ZBTB16: variants seen among roughly 807,000 people sequenced by gnomAD.
The protein encoded by ZBTB16 is zinc finger and BTB domain containing 16.
ZBTB16 carries 8 observed loss-of-function variants against 56.8 expected under a neutral mutation model. That is an observed-to-expected ratio of 0.14 (90% CI 0.08 to 0.25). The LOEUF (loss-of-function observed/expected upper bound fraction) is 0.25, where lower values mean the gene tolerates loss of function less well. ZBTB16 is among the 10% of genes least tolerant of loss of function. The pLI, the probability that ZBTB16 is intolerant of heterozygous loss-of-function variation, is 1.00. For synonymous variants in ZBTB16, 363 were observed against 368.5 expected, an observed-to-expected ratio of 0.98 and a Z score of 0.17; for missense variants, 625 against 903.0, an observed-to-expected ratio of 0.69 and a Z score of 3.95.
chr11:114,101,582 G>C (rs1190628909), intron 2 of ZBTB16, among the ~76,000 whole-genome samples: 1 of 152,204 alleles, frequency 6.6e-6, no homozygotes, highest in Non-Finnish European at 1.5e-5. Flanking sequence ...GGCCTAGATG[G>C]ACAGCTTGGC....
intron 2 of ZBTB16, among the ~76,000 whole-genome samples, chr11:114,139,149 A>G (rs547664657): frequency 9.8e-5 from 15 of 152,312 alleles, no homozygotes; most frequent in South Asian, 4.1e-4. Context: ...TGAGATGCAA[A>G]TGGACATCTA....
chr11:114,071,136 A>G (rs543820447), intron 2 of ZBTB16, among the ~76,000 whole-genome samples: 4 of 151,936 alleles, frequency 2.6e-5, no homozygotes, highest in Non-Finnish European at 5.9e-5. Flanking sequence ...ACCCACTTAT[A>G]TCTTCATGAA....
rs1938797776 is a variant in ZBTB16 at position 114,060,678 on chromosome 11, C to G, written c.-91+796C>G. 6.6e-6 allele frequency: 1 copy of G among 152,404 alleles called. No homozygotes were observed. Among genetic ancestry groups the G allele is most frequent in the Non-Finnish European group, 1.5e-5 (1 of 68,230 alleles). The allele number at this position is 152,404 out of a possible 1,614,324, so 9.4% of individuals were successfully genotyped here. ...TCGCACAGCGCCTCGCACACTCCCG[C>G]ACGCGCTTGAAATGCGCACGGTCCC... On this transcript the variant is annotated intron_variant, in intron 1 of 6. Coordinates refer to ENST00000335953, the MANE Select transcript of ZBTB16 (RefSeq NM_006006.6). This position sits in a 1 kb window ranked among gnomAD's most constrained non-coding sequence, Gnocchi z 6.0.
chr11:114,221,258 T>G (rs1944227721), intron 4 of ZBTB16, among the ~76,000 whole-genome samples: 1 of 152,210 alleles, frequency 6.6e-6, no homozygotes, highest in Admixed American at 6.5e-5. Flanking sequence ...AGATCTTAAT[T>G]AATATGAACG....
Position 114,233,065 on chromosome 11 carries a change from A to AAGCG in ZBTB16, c.1454-9102_1454-9101insAGCG, listed in dbSNP as rs1294837755. Among the ~76,000 whole-genome samples, 83 of 57,652 alleles carry AAGCG rather than the reference A, an allele frequency of 1.4e-3. 1 individual carries two copies. Among genetic ancestry groups the AAGCG allele is most frequent in the Middle Eastern group, 7.7e-3 (1 of 130 alleles). 37.8% of individuals were successfully genotyped at this position (57,652 alleles called of 152,430 possible). A position where few individuals can be genotyped will look rare whatever the true frequency, so the allele number is the denominator to read the frequency against. On this transcript the variant is annotated intron_variant, in intron 4 of 6. Coordinates refer to ENST00000335953, the MANE Select transcript of ZBTB16 (RefSeq NM_006006.6). The stretch of plus-strand genomic sequence containing the variant: ...CCCACCCACTCTACTGCACATACGC[A>AAGCG]TGCGCGCGCGCGCGCGCACACACAC...
chr11:114,103,067 G>A (rs1285732774), intron 2 of ZBTB16, among the ~76,000 whole-genome samples: 2 of 152,218 alleles, frequency 1.3e-5, no homozygotes, highest in African/African-American at 4.8e-5. Context: ...TGAAACTGGA[G>A]GTCTGTCAAT....
chr11:114,086,759 G>T (rs1456180329), intron 2 of ZBTB16, among the ~76,000 whole-genome samples: 2 of 152,180 alleles, frequency 1.3e-5, no homozygotes, highest in Non-Finnish European at 2.9e-5. Context: ...CATTTGCCCT[G>T]AGAGCTCCTC....
At chr11:114,178,991 C>T (rs1943183031) in intron 3 of ZBTB16, among the ~76,000 whole-genome samples, 1 of 152,196 alleles carries the variant, frequency 6.6e-6, no homozygotes, top group Non-Finnish European at 1.5e-5. Context: ...TGGTGTCTTT[C>T]TCCATCCTAT....
intron 6 of ZBTB16, among the ~76,000 whole-genome samples, chr11:114,248,730 G>A (rs1343064342): frequency 6.6e-6 from 1 of 152,184 alleles, no homozygotes; most frequent in East Asian, 1.9e-4. Context: ...CCCAGTTTGA[G>A]CCCACAAGGA....
intron 2 of ZBTB16, among the ~76,000 whole-genome samples, chr11:114,077,324 T>G (rs1420686503): frequency 6.6e-6 from 1 of 152,204 alleles, no homozygotes; most frequent in East Asian, 1.9e-4. Flanking sequence ...GATGTGAGTT[T>G]GCCCTTAAAT....
At chr11:114,197,957 C>T (rs1943646364) in intron 4 of ZBTB16, among the ~76,000 whole-genome samples, 1 of 151,750 alleles carries the variant, frequency 6.6e-6, no homozygotes. Context: ...CTCCCAGTGG[C>T]TGGTCCCAGA....
chr11:114,221,203 G>T (rs1310231930), intron 4 of ZBTB16, among the ~76,000 whole-genome samples: 2 of 152,108 alleles, frequency 1.3e-5, no homozygotes, highest in Non-Finnish European at 2.9e-5. Flanking sequence ...GAGTAAATAG[G>T]AATAATCAAA....
intron 2 of ZBTB16, among the ~76,000 whole-genome samples, chr11:114,112,337 G>A (rs576222849): frequency 1.4e-4 from 21 of 152,214 alleles, no homozygotes; most frequent in South Asian, 8.3e-4. Context: ...TGTCTGTAGC[G>A]TAGATTTTAT....
chr11:114,191,219 A>G (rs1358984194), intron 4 of ZBTB16, among the ~76,000 whole-genome samples: 3 of 152,228 alleles, frequency 2.0e-5, no homozygotes, highest in African/African-American at 7.2e-5. Flanking sequence ...AGATTTGGAC[A>G]GGACAAATAT....
At chr11:114,089,820 C>A (rs1416237127) in intron 2 of ZBTB16, among the ~76,000 whole-genome samples, 1 of 152,204 alleles carries the variant, frequency 6.6e-6, no homozygotes, top group Admixed American at 6.5e-5. Context: ...GCTGCTCCCC[C>A]TCTAGACTTC....
At chr11:114,094,382 G>T (rs184520609) in intron 2 of ZBTB16, among the ~76,000 whole-genome samples, 1 of 152,182 alleles carries the variant, frequency 6.6e-6, no homozygotes. Context: ...AAACGAGTCC[G>T]TGTAAAGTCT....
chr11:114,061,462 C>G (rs575658519), intron 1 of ZBTB16: 105 of 152,452 alleles, frequency 6.9e-4, no homozygotes, highest in African/African-American at 2.2e-3. Context: ...GTCCCCACCC[C>G]GGGGCGGGCA....
intron 4 of ZBTB16, among the ~76,000 whole-genome samples, chr11:114,196,404 A>AAAGAAACAGACAAAGATAGCTG: frequency 4.0e-5 from 1 of 24,878 alleles, no homozygotes; most frequent in Non-Finnish European, 7.6e-5. Flanking sequence ...AAAAAGAGGC[A>AAAGAAACAGACAAAGATAGCTG]AGGTCATTCC....
At chr11:114,075,953 T>C (rs1391451328) in intron 2 of ZBTB16, among the ~76,000 whole-genome samples, 4 of 152,184 alleles carry the variant, frequency 2.6e-5, no homozygotes, top group Non-Finnish European at 5.9e-5. Flanking sequence ...AACAGCAGTG[T>C]CTGACCTCAT....
Sources: allele counts gnomAD v4.1 joint callset (sites outside exome capture counted in the v4.1 genomes callset), GRCh38; gene constraint gnomAD v4.1.1; non-coding constraint Gnocchi (gnomAD v3.1); transcripts MANE v1.5; gene names NCBI Gene and HGNC (gene_info 2026-07-23, HGNC 2026-07-21).